The following PPP2R2A variants were observed in gnomAD, a reference collection of about 807,000 sequenced individuals.
The protein encoded by PPP2R2A is serine/threonine-protein phosphatase 2A 55 kDa regulatory subunit B alpha isoform.
A neutral mutation model predicts 53.2 loss-of-function variants in PPP2R2A; 9 were observed. That is an observed-to-expected ratio of 0.17 (90% CI 0.10 to 0.30). The LOEUF is 0.30. Ranked by LOEUF, PPP2R2A falls within the 10% of genes least tolerant of loss-of-function variation. The pLI is 1.00. For synonymous variants in PPP2R2A, 169 were observed against 174.2 expected (o/e 0.97, Z 0.23); for missense variants, 235 against 534.6 (o/e 0.44, Z 5.53).
chr8:26,332,027 G>A (rs1803405211), intron 2 of PPP2R2A, among the ~76,000 whole-genome samples: 1 of 152,054 alleles, frequency 6.6e-6, no homozygotes, highest in African/African-American at 2.4e-5. Context: ...TGTTTCAAAT[G>A]GCACTTTCAG....
intron 4 of PPP2R2A, among the ~76,000 whole-genome samples, chr8:26,355,572 T>C (rs1202909446): frequency 6.6e-6 from 1 of 152,078 alleles, no homozygotes; most frequent in African/African-American, 2.4e-5. Flanking sequence ...GATTAAAAGT[T>C]AGTAATGACA....
intron 2 of PPP2R2A, among the ~76,000 whole-genome samples, chr8:26,304,085 C>T (rs1482849549): frequency 6.6e-6 from 1 of 152,210 alleles, no homozygotes. Flanking sequence ...CCTGTGTTTA[C>T]ACACTTACTG....
intron 2 of PPP2R2A, among the ~76,000 whole-genome samples, chr8:26,302,675 G>A (rs1801842165): frequency 6.6e-6 from 1 of 152,188 alleles, no homozygotes; most frequent in Non-Finnish European, 1.5e-5. Context: ...AGTGAGGCTG[G>A]ATTTTCTTCA....
rs1801291149 is a variant in PPP2R2A, at chr8:26,291,544, GC to G, written c.-272del. 1.9e-6 allele frequency: 1 copy of G among 517,038 alleles called. No homozygotes were observed. The highest frequency in any genetic ancestry group is 2.2e-5 in the South Asian group (1 of 45,646). 32.0% of individuals were successfully genotyped at this position (517,038 alleles called of 1,614,324 possible). A position where few individuals can be genotyped will look rare whatever the true frequency, so the allele number is the denominator to read the frequency against. ...CGCCATTTTGAAAGTGGAGTCGCCT[GC>G]CCCTGCCGCTGCCGCCGCCGCCGTC... On this transcript the variant is annotated 5_prime_UTR_variant, in exon 1 of 10. Transcript: ENST00000380737.
intron 3 of PPP2R2A, among the ~76,000 whole-genome samples, chr8:26,340,169 G>C (rs1347902537): frequency 6.6e-6 from 1 of 151,802 alleles, no homozygotes; most frequent in Non-Finnish European, 1.5e-5. Context: ...CCAAAAACTC[G>C]ACCATAAGAA....
intron 2 of PPP2R2A, among the ~76,000 whole-genome samples, chr8:26,328,324 A>G (rs568444905): frequency 3.9e-5 from 6 of 152,370 alleles, no homozygotes; most frequent in South Asian, 2.1e-4. Context: ...AGTATGAACT[A>G]TAGAATGACA....
At chr8:26,337,719 A>G (rs939353436) in intron 2 of PPP2R2A, among the ~76,000 whole-genome samples, 2 of 152,246 alleles carry the variant, frequency 1.3e-5, no homozygotes, top group Admixed American at 1.3e-4. Context: ...TTGTCCAAAC[A>G]GTCTGAGATA....
intron 2 of PPP2R2A, among the ~76,000 whole-genome samples, chr8:26,294,536 A>T (rs1801458644): frequency 6.6e-6 from 1 of 152,196 alleles, no homozygotes; most frequent in South Asian, 2.1e-4. Flanking sequence ...GAAATGTTGA[A>T]GTTTGAGTTT....
rs746773831 is a variant in PPP2R2A, at chr8:26,370,146, T to C, written c.1077T>C (p.Thr359=). The change falls in exon 10 of 10, where the codon ACT becomes ACC. Residue 359 remains threonine (T), a synonymous_variant. Coordinates refer to ENST00000380737, the MANE Select transcript of PPP2R2A (RefSeq NM_002717.4). This position sits in a 1 kb window ranked among gnomAD's most constrained non-coding sequence, Gnocchi z 6.1. ...CWNGSDSVVM[T]GSYNNFFRMF... ...TCTATTTTCACAGTGTTGTCATGACTGGATCTTACAATAATTTCTTCAGAA... is the reference window on the plus strand; with the variant it reads ...TCTATTTTCACAGTGTTGTCATGACCGGATCTTACAATAATTTCTTCAGAA... 3 of 1,613,868 alleles carry C rather than the reference T, an allele frequency of 1.9e-6. No homozygotes were observed. Among genetic ancestry groups the C allele is most frequent in the Non-Finnish European group, 2.5e-6 (3 of 1,179,896 alleles).
intron 2 of PPP2R2A, among the ~76,000 whole-genome samples, chr8:26,334,452 AAGTC>A (rs1803548376): frequency 1.3e-5 from 2 of 152,206 alleles, no homozygotes; most frequent in African/African-American, 4.8e-5. Context: ...TTTGCAATAA[AAGTC>A]AGTATCCGGC....
chr8:26,361,382 A>T (rs1490076377), intron 6 of PPP2R2A, among the ~76,000 whole-genome samples: 2 of 152,176 alleles, frequency 1.3e-5, no homozygotes, highest in Admixed American at 1.3e-4. Context: ...AATTTTAAGG[A>T]ATTTGTCTAT....
chr8:26,366,922 CT>C (rs1383977825), intron 9 of PPP2R2A, among the ~76,000 whole-genome samples: 1 of 152,020 alleles, frequency 6.6e-6, no homozygotes, highest in African/African-American at 2.4e-5. Flanking sequence ...AGTGTAATTC[CT>C]TTTTCGTATT....
chr8:26,311,285 A>G lies in PPP2R2A; in HGVS notation c.82+17545A>G, dbSNP rs181079487. 3.2e-4 allele frequency among the ~76,000 whole-genome samples: 49 copies of G among 152,332 alleles called. No individual in the cohort carries two copies. In the South Asian group the frequency reaches 5.0e-3, roughly 15 times the overall value. On this transcript the variant is annotated intron_variant, in intron 2 of 9. Transcript: ENST00000380737. ...AACAGAATTAACAGTTGATAGCAGAAGAATAAAAGCCTATTCCGGTCCACA... is the reference window on the plus strand; with the variant it reads ...AACAGAATTAACAGTTGATAGCAGAGGAATAAAAGCCTATTCCGGTCCACA...
intron 3 of PPP2R2A, among the ~76,000 whole-genome samples, chr8:26,344,238 A>G (rs913209804): frequency 1.1e-4 from 17 of 152,246 alleles, no homozygotes; most frequent in Admixed American, 7.8e-4. Context: ...ATGTATGTTT[A>G]CTATATCTTG....
intron 2 of PPP2R2A, among the ~76,000 whole-genome samples, chr8:26,326,158 G>A (rs1803074458): frequency 6.6e-6 from 1 of 152,186 alleles, no homozygotes; most frequent in Admixed American, 6.5e-5. Flanking sequence ...GTTAAATGTT[G>A]CTGTCTAATG....
At position 26,291,715 on chromosome 8, in the gene PPP2R2A, C is replaced by T; in HGVS notation, c.-105C>T. 2 of 700,162 alleles carry T rather than the reference C, an allele frequency of 2.9e-6. No homozygotes were observed. Among genetic ancestry groups the T allele is most frequent in the Middle Eastern group, 3.4e-4 (1 of 2,916 alleles). 43.4% of individuals were successfully genotyped at this position (700,162 alleles called of 1,614,324 possible). A position where few individuals can be genotyped will look rare whatever the true frequency, so the allele number is the denominator to read the frequency against. ...CGTCCCCTCCCCCCGCAGGTGCCAT[C>T]CGCCGCCATCCGCCCTCTCTACCCC... On this transcript the variant is annotated 5_prime_UTR_variant, in exon 1 of 10. Coordinates refer to ENST00000380737, the MANE Select transcript of PPP2R2A (RefSeq NM_002717.4).
rs1803516124 is a variant in PPP2R2A at position 26,333,938 on chromosome 8, T to C, written c.83-4952T>C. Among the ~76,000 whole-genome samples, 3 of 152,250 alleles carry C rather than the reference T, an allele frequency of 2.0e-5. No homozygotes were observed. In the South Asian group the frequency reaches 6.2e-4, roughly 32 times the overall value. On this transcript the variant is annotated intron_variant, in intron 2 of 9. Transcript: ENST00000380737. ...GGTGGAAAAAGTAAGAATTTCATTC[T>C]GTATAATAAATTACCAATCCCTTGG...
In PPP2R2A at chr8:26,342,676, TG is replaced by T. The variant is rs1360757722; in HGVS notation, c.180+3693del. 2.2e-4 allele frequency among the ~76,000 whole-genome samples: 34 copies of T among 152,274 alleles called. 1 individual carries two copies. The South Asian group carries it at 6.8e-3, about 31-fold the overall frequency. The stretch of plus-strand genomic sequence containing the variant: ...TTTTTATAATTTTTCTAGGTTGGTA[TG>T]GGGCCTTTGATTTTTGTTTTCTAGG... On this transcript the variant is annotated intron_variant, in intron 3 of 9. Transcript: ENST00000380737.
chr8:26,309,869 G>A (rs886983886), intron 2 of PPP2R2A, among the ~76,000 whole-genome samples: 3 of 152,022 alleles, frequency 2.0e-5, no homozygotes, highest in Non-Finnish European at 2.9e-5. Context: ...AATTACAATA[G>A]TAATATCAAA....
Sources: gnomAD v4.1 joint callset for allele counts (sites outside exome capture counted in the v4.1 genomes callset) on GRCh38, gnomAD v4.1.1 for gene constraint, Gnocchi (gnomAD v3.1) non-coding constraint, MANE v1.5 for transcripts, NCBI Gene and HGNC (gene_info 2026-07-23, HGNC 2026-07-21) for gene names.